SIPA1L1: variants seen among roughly 807,000 people sequenced by gnomAD.
The protein encoded by SIPA1L1 is signal-induced proliferation-associated 1-like protein 1.
A neutral mutation model predicts 162.7 loss-of-function variants in SIPA1L1; 26 were observed. The ratio of observed to expected loss-of-function variants is 0.16; its 90% CI spans 0.12 to 0.22. The LOEUF (loss-of-function observed/expected upper bound fraction) is 0.22, where lower values mean the gene tolerates loss of function less well. Ranked by LOEUF, SIPA1L1 falls within the 10% of genes least tolerant of loss-of-function variation. The pLI is 1.00. For synonymous variants in SIPA1L1, 829 were observed against 837.4 expected, an observed-to-expected ratio of 0.99 and a Z score of 0.17; for missense variants, 1,874 against 2,241.0, an observed-to-expected ratio of 0.84 and a Z score of 3.31.
chr14:71,493,034 A>G (rs1225189549), intron 2 of SIPA1L1, among the ~76,000 whole-genome samples: 1 of 152,086 alleles, frequency 6.6e-6, no homozygotes, highest in East Asian at 1.9e-4. Flanking sequence ...ATCAATTTAT[A>G]TCGAAAGAAT....
chr14:71,585,206 A>G (rs2034434869), intron 4 of SIPA1L1, among the ~76,000 whole-genome samples: 1 of 151,864 alleles, frequency 6.6e-6, no homozygotes, highest in African/African-American at 2.4e-5. Flanking sequence ...TAGAAAAGGA[A>G]GGTCCTTATG....
Position 71,643,948 on chromosome 14 carries a change from C to T in SIPA1L1, c.1819-6387C>T, listed in dbSNP as rs371368144. On this transcript the variant is annotated intron_variant, in intron 7 of 23. Coordinates refer to ENST00000381232, the MANE Select transcript of SIPA1L1 (RefSeq NM_001386936.1). ...TCAGCCTCCTAAGTAGCTGGGATTA[C>T]AGGCGCCCACCACCACGCCCAGCTA... Among the ~76,000 whole-genome samples the T allele has an allele frequency of 3.3e-5, 5 of 151,962 alleles. No homozygotes were observed. The East Asian group carries it at 5.8e-4, about 18-fold the overall frequency.
chr14:71,619,492 T>C (rs759961729), intron 6 of SIPA1L1, among the ~76,000 whole-genome samples: 2 of 151,272 alleles, frequency 1.3e-5, no homozygotes, highest in Non-Finnish European at 2.9e-5. Context: ...TATTTTAAAA[T>C]GAAGTTTGGG....
chr14:71,466,838 A>C (rs1365431405), intron 2 of SIPA1L1, among the ~76,000 whole-genome samples: 2 of 152,190 alleles, frequency 1.3e-5, no homozygotes, highest in Admixed American at 1.3e-4. Context: ...AACCAATGTA[A>C]TGGCATTAGT....
chr14:71,620,470 T>C (rs988171272), intron 6 of SIPA1L1, among the ~76,000 whole-genome samples: 1 of 152,212 alleles, frequency 6.6e-6, no homozygotes, highest in Non-Finnish European at 1.5e-5. Context: ...CTGATTTAAA[T>C]ACCCATCATA....
At chr14:71,649,605 A>G (rs1302421643) in intron 7 of SIPA1L1, among the ~76,000 whole-genome samples, 1 of 152,208 alleles carries the variant, frequency 6.6e-6, no homozygotes, top group Admixed American at 6.5e-5. Flanking sequence ...GTTTTGATTA[A>G]TGTTATAAGT....
At chr14:71,467,386 T>C (rs529790090) in intron 2 of SIPA1L1, 1 of 152,348 alleles carries the variant, frequency 6.6e-6, no homozygotes, top group East Asian at 1.9e-4. Flanking sequence ...TTTGATGAGA[T>C]GATACTTACA....
At chr14:71,351,107 C>A (rs1329141624) in intron 2 of SIPA1L1, among the ~76,000 whole-genome samples, 1 of 152,094 alleles carries the variant, frequency 6.6e-6, no homozygotes, top group Non-Finnish European at 1.5e-5. Flanking sequence ...TATAAAATTT[C>A]AAAGAGGTGA....
At chr14:71,424,349 G>A (rs562693307) in intron 2 of SIPA1L1, among the ~76,000 whole-genome samples, 32 of 152,110 alleles carry the variant, frequency 2.1e-4, no homozygotes, top group Non-Finnish European at 3.7e-4. Flanking sequence ...TGCCTTGTTC[G>A]TGATGTTAGA....
chr14:71,664,104 G>T (rs2043786031), intron 10 of SIPA1L1, among the ~76,000 whole-genome samples: 1 of 152,112 alleles, frequency 6.6e-6, no homozygotes, highest in Non-Finnish European at 1.5e-5. Context: ...TTAATGTTGG[G>T]GGGAGGCAGG....
chr14:71,418,833 A>G (rs1364603886), intron 2 of SIPA1L1, among the ~76,000 whole-genome samples: 1 of 152,160 alleles, frequency 6.6e-6, no homozygotes, highest in Non-Finnish European at 1.5e-5. Flanking sequence ...AAATGTGGGG[A>G]AGTTCAGCAT....
intron 2 of SIPA1L1, among the ~76,000 whole-genome samples, chr14:71,340,233 G>A (rs574583823): frequency 6.6e-6 from 1 of 152,094 alleles, no homozygotes; most frequent in East Asian, 1.9e-4. Context: ...CAAATGGAAA[G>A]TCAGGGACTG....
chr14:71,432,766 A>G (rs2044092321), intron 2 of SIPA1L1, among the ~76,000 whole-genome samples: 1 of 152,242 alleles, frequency 6.6e-6, no homozygotes, highest in Non-Finnish European at 1.5e-5. Context: ...TGAATGTTTG[A>G]TTGTACAACA....
At chr14:71,710,366 G>A (rs185289457) in intron 17 of SIPA1L1, among the ~76,000 whole-genome samples, 37 of 152,286 alleles carry the variant, frequency 2.4e-4, no homozygotes, top group African/African-American at 7.0e-4. Flanking sequence ...GATCCACATA[G>A]GGAAGAAGCA....
chr14:71,635,439 A>C (rs924234757), intron 7 of SIPA1L1, among the ~76,000 whole-genome samples: 2 of 152,242 alleles, frequency 1.3e-5, no homozygotes, highest in African/African-American at 2.4e-5. Context: ...AAACATATGT[A>C]CAAGAATTTT....
Position 71,506,649 on chromosome 14 carries a change from A to G in SIPA1L1, c.-464-6094A>G, listed in dbSNP as rs545800014. Among the ~76,000 whole-genome samples, 5 of 152,194 alleles carry G rather than the reference A, an allele frequency of 3.3e-5. 1 individual carries two copies. The South Asian group carries it at 8.3e-4, about 25-fold the overall frequency. On this transcript the variant is annotated intron_variant, in intron 2 of 23. Transcript: ENST00000381232. ...AGCCACCGTGCTGGGCCAAATGTAC[A>G]AAATATTATTTTGCTAATTTAGTAG...
chr14:71,587,411 TC>T (rs1406974442), intron 4 of SIPA1L1, among the ~76,000 whole-genome samples, 159 bp from the exon 5 acceptor site: 1 of 152,164 alleles, frequency 6.6e-6, no homozygotes, highest in Non-Finnish European at 1.5e-5. Flanking sequence ...TTTACTTTCT[TC>T]CTTTCTTTCA....
At chr14:71,405,229 C>T (rs1035492999) in intron 2 of SIPA1L1, among the ~76,000 whole-genome samples, 2 of 152,120 alleles carry the variant, frequency 1.3e-5, no homozygotes, top group African/African-American at 4.8e-5. Flanking sequence ...GAAGTGACAC[C>T]TAAGCTAGGC....
intron 2 of SIPA1L1, among the ~76,000 whole-genome samples, chr14:71,465,144 C>G (rs964173314): frequency 1.3e-5 from 2 of 152,180 alleles, no homozygotes; most frequent in African/African-American, 4.8e-5. Flanking sequence ...CTTAGTGTCC[C>G]CATTCCAAGT....
Sources: gnomAD v4.1 joint callset for allele counts (sites outside exome capture counted in the v4.1 genomes callset) on GRCh38, gnomAD v4.1.1 for gene constraint, MANE v1.5 for transcripts, NCBI Gene and HGNC (gene_info 2026-07-23, HGNC 2026-07-21) for gene names.